The following NETO2 variants were observed in gnomAD, a reference collection of about 807,000 sequenced individuals.
NETO2 encodes the protein neuropilin and tolloid-like protein 2.
In NETO2, 28 loss-of-function variants were observed where a neutral mutation model predicts 62.5. That is an observed-to-expected ratio of 0.45 (90% CI 0.33 to 0.61). The LOEUF (loss-of-function observed/expected upper bound fraction) is 0.61. Ranked by LOEUF, NETO2 falls within the 20% of genes least tolerant of loss-of-function variation. The pLI is 0.02. For missense variants in NETO2, 548 were observed against 643.2 expected (o/e 0.85, Z 1.60); for synonymous variants, 214 against 219.1 (o/e 0.98, Z 0.21).
intron 7 of NETO2, among the ~76,000 whole-genome samples, chr16:47,104,988 C>T (rs1260223428): frequency 2.0e-5 from 3 of 151,774 alleles, no homozygotes; most frequent in Non-Finnish European, 2.9e-5. Flanking sequence ...CCAAAGTGCT[C>T]GGATAACAGG....
chr16:47,119,386 C>T (rs572925119), intron 6 of NETO2, among the ~76,000 whole-genome samples: 14 of 152,008 alleles, frequency 9.2e-5, no homozygotes, highest in East Asian at 5.8e-4. Context: ...TTCCTGACCT[C>T]GTGATCTGCC....
chr16:47,119,769 C>G (rs1302295017), intron 6 of NETO2, among the ~76,000 whole-genome samples: 2 of 151,988 alleles, frequency 1.3e-5, no homozygotes, highest in Non-Finnish European at 2.9e-5. Flanking sequence ...TTACAAATTA[C>G]TAAGTAGTAT....
Position 47,105,465 on chromosome 16 carries a change from C to T in NETO2, c.883+4018G>A, listed in dbSNP as rs947613269. On this transcript the variant is annotated intron_variant, in intron 7 of 8. Coordinates refer to ENST00000562435, the MANE Select transcript of NETO2 (RefSeq NM_018092.5). ...GATTTCTTGGATATCACACCAAAAA[C>T]AACAACAAAAAAAACCCACATTAAT... Among the ~76,000 whole-genome samples the T allele has an allele frequency of 3.3e-5, 5 of 151,888 alleles. No individual in the cohort carries two copies. In the East Asian group the frequency reaches 9.6e-4, roughly 29 times the overall value.
Position 47,080,035 on chromosome 16 carries a change from A to T in NETO2, c.*3186T>A, listed in dbSNP as rs1363511983. On this transcript the variant is annotated 3_prime_UTR_variant, in exon 9 of 9. Transcript: ENST00000562435. Reference sequence around the variant, plus strand: ...AAGTCTAACAATTCTATGAAACATGACAAAGACACTGACATAAGCGCTGTC... The same window carrying T: ...AAGTCTAACAATTCTATGAAACATGTCAAAGACACTGACATAAGCGCTGTC... 1 of 152,228 alleles carries T rather than the reference A, an allele frequency of 6.6e-6. No individual in the cohort carries two copies. The highest frequency in any genetic ancestry group is 1.5e-5 in the Non-Finnish European group (1 of 68,036). The allele number at this position is 152,228 out of a possible 1,614,324, so 9.4% of individuals were successfully genotyped here. A position where few individuals can be genotyped will look rare whatever the true frequency, so the allele number is the denominator to read the frequency against.
At chr16:47,094,427 A>C (rs1963385937) in intron 7 of NETO2, among the ~76,000 whole-genome samples, 1 of 151,764 alleles carries the variant, frequency 6.6e-6, no homozygotes, top group Non-Finnish European at 1.5e-5. Context: ...TTATTTATTT[A>C]TTTATTTATT....
At chr16:47,130,748 TAA>T (rs1336743539) in intron 2 of NETO2, among the ~76,000 whole-genome samples, 1 of 152,094 alleles carries the variant, frequency 6.6e-6, no homozygotes, top group African/African-American at 2.4e-5. Context: ...CTGCTGTAAA[TAA>T]AGTTTTACTG....
chr16:47,115,734 T>TATATGTATATATATATATATATATAC (rs1284230818), intron 6 of NETO2, among the ~76,000 whole-genome samples: 1 of 142,522 alleles, frequency 7.0e-6, no homozygotes, highest in African/African-American at 2.7e-5. Context: ...TATATATACA[T>TATATGTATATATATATATATATATAC]GTATATATAT....
chr16:47,133,328 C>T (rs1178588927), intron 1 of NETO2, among the ~76,000 whole-genome samples: 1 of 151,662 alleles, frequency 6.6e-6, no homozygotes, highest in Non-Finnish European at 1.5e-5. Context: ...CAAATCCCAA[C>T]ACCTTGGGAG....
At chr16:47,102,774 C>G (rs1379634769) in intron 7 of NETO2, among the ~76,000 whole-genome samples, 1 of 152,022 alleles carries the variant, frequency 6.6e-6, no homozygotes, top group African/African-American at 2.4e-5. Context: ...ATGGCTATCA[C>G]TAAAAAGTCA....
At chr16:47,095,439 T>C (rs1264379608) in intron 7 of NETO2, among the ~76,000 whole-genome samples, 1 of 152,170 alleles carries the variant, frequency 6.6e-6, no homozygotes, top group Non-Finnish European at 1.5e-5. Context: ...TCCAATTATA[T>C]GCTGCCTGTA....
intron 1 of NETO2, among the ~76,000 whole-genome samples, 156 bp downstream of exon 1, chr16:47,143,423 C>G (rs1964506261): frequency 6.6e-6 from 1 of 151,898 alleles, no homozygotes; most frequent in African/African-American, 2.4e-5. Context: ...GCAGGGCTCG[C>G]GCCCCGCGGT....
At chr16:47,086,105 C>T (rs1963184067) in intron 8 of NETO2, 121 bp downstream of exon 8, 2 of 709,860 alleles carry the variant, frequency 2.8e-6, no homozygotes, top group East Asian at 5.4e-5. Context: ...GACTCCGTCT[C>T]AAACAAACAA....
At chr16:47,112,861 TAATA>T (rs1250126464) in intron 6 of NETO2, among the ~76,000 whole-genome samples, 1 of 152,088 alleles carries the variant, frequency 6.6e-6, no homozygotes, top group Non-Finnish European at 1.5e-5. Context: ...GAATGAGATC[TAATA>T]AATATTGTTT....
chr16:47,092,234 C>T (rs551672992), intron 7 of NETO2, among the ~76,000 whole-genome samples: 13 of 152,206 alleles, frequency 8.5e-5, no homozygotes, highest in African/African-American at 2.9e-4. Flanking sequence ...GCGCAAGGAT[C>T]GGTCCAGACC....
rs550270174 is a variant in NETO2, at chr16:47,085,710, G to A, written c.997+516C>T. ...CAATACACTTTAGAACAACTTAACA[G>A]TTTGTAGACAAAAAATGCTTTTGTT... is the stretch of plus-strand genomic sequence containing the variant. On this transcript the variant is annotated intron_variant, in intron 8 of 8. Transcript: ENST00000562435. 2.6e-5 allele frequency among the ~76,000 whole-genome samples: 4 copies of A among 152,142 alleles called. No homozygotes were observed. In the South Asian group the frequency reaches 8.3e-4, roughly 32 times the overall value.
intron 7 of NETO2, among the ~76,000 whole-genome samples, chr16:47,092,285 A>G (rs1270587117): frequency 6.6e-6 from 1 of 152,150 alleles, no homozygotes; most frequent in Non-Finnish European, 1.5e-5. Context: ...GTTGTCCTCC[A>G]TCCCAGCTGT....
chr16:47,135,065 G>A (rs1407197849), intron 1 of NETO2, among the ~76,000 whole-genome samples: 1 of 152,212 alleles, frequency 6.6e-6, no homozygotes, highest in Non-Finnish European at 1.5e-5. Context: ...ATTAGGGATA[G>A]AAAGATGTAC....
intron 6 of NETO2, among the ~76,000 whole-genome samples, chr16:47,113,374 C>G (rs570636821): frequency 6.6e-6 from 1 of 152,266 alleles, no homozygotes; most frequent in East Asian, 1.9e-4. Flanking sequence ...AAATCCATCT[C>G]CAGTCTTCAT....
intron 4 of NETO2, among the ~76,000 whole-genome samples, chr16:47,125,849 C>T (rs1350949837): frequency 6.6e-6 from 1 of 152,216 alleles, no homozygotes; most frequent in Non-Finnish European, 1.5e-5. Context: ...CACCACACGC[C>T]TGGCTCCACC....
Sources: gnomAD v4.1 joint callset for allele counts (sites outside exome capture counted in the v4.1 genomes callset) on GRCh38, gnomAD v4.1.1 for gene constraint, MANE v1.5 for transcripts, NCBI Gene and HGNC (gene_info 2026-07-23, HGNC 2026-07-21) for gene names.